CALN1: variants seen among roughly 807,000 people sequenced by gnomAD.
CALN1 encodes calcium-binding protein 8.
Under a neutral mutation model 30.6 loss-of-function variants are expected in CALN1, and 17 were observed. That is an observed-to-expected ratio of 0.56 (90% confidence interval 0.38 to 0.83). CALN1 has a LOEUF of 0.83. CALN1 is among the 40% of genes least tolerant of loss of function. The probability of loss-of-function intolerance (pLI) is 0.00; values close to 1 mark genes in which losing one functional copy is unlikely to be tolerated. For synonymous variants in CALN1, 156 were observed against 131.4 expected (o/e 1.19, Z -1.28); for missense variants, 291 against 354.9 (o/e 0.82, Z 1.45).
chr7:71,787,946 G>A, intron 6 of CALN1, 44 bp from the exon 7 acceptor site: 1 of 1,612,792 alleles, frequency 6.2e-7, no homozygotes, highest in Non-Finnish European at 8.5e-7. Flanking sequence ...AAGAGGGGTT[G>A]GGAGAAGAGA....
intron 3 of CALN1, among the ~76,000 whole-genome samples, chr7:72,114,267 GGGAAGGGAAGGGAAGGGAAGGGAAGGGA>G (rs1807795504): frequency 1.3e-5 from 1 of 74,346 alleles, no homozygotes. Context: ...GGGAAGGGAA[GGGAAGGGAAGGGAAGGGAAGGGAAGGGA>G]AGGGAAGGGA....
intron 2 of CALN1, among the ~76,000 whole-genome samples, chr7:72,302,178 A>G (rs1799314922): frequency 6.6e-6 from 1 of 152,226 alleles, no homozygotes. Flanking sequence ...CGGAGAGGAA[A>G]TAATACAAGA....
At chr7:72,296,782 A>C (rs1170134279) in intron 2 of CALN1, among the ~76,000 whole-genome samples, 1 of 149,830 alleles carries the variant, frequency 6.7e-6, no homozygotes, top group Non-Finnish European at 1.5e-5. Flanking sequence ...GCGGTCTATC[A>C]ATTTTGTTGA....
chr7:72,366,555 G>T (rs1332952821), intron 2 of CALN1, among the ~76,000 whole-genome samples: 3 of 151,796 alleles, frequency 2.0e-5, no homozygotes, highest in African/African-American at 7.3e-5. Flanking sequence ...TTTTAGTGCT[G>T]AATTCTGAGA....
chr7:72,018,899 C>T (rs925794760), intron 5 of CALN1, among the ~76,000 whole-genome samples: 21 of 152,054 alleles, frequency 1.4e-4, no homozygotes, highest in African/African-American at 1.9e-4. Context: ...TGCAGTGGCT[C>T]GATCTCAGCT....
chr7:72,101,965 G>A (rs1166017814), intron 4 of CALN1, among the ~76,000 whole-genome samples: 2 of 152,138 alleles, frequency 1.3e-5, no homozygotes, highest in African/African-American at 2.4e-5. Context: ...GCTGGTTTGG[G>A]ATAAAACCTA....
At chr7:72,428,236 C>G (rs1807858839) in intron 1 of CALN1, among the ~76,000 whole-genome samples, 1 of 152,252 alleles carries the variant, frequency 6.6e-6, no homozygotes, top group South Asian at 2.1e-4. Context: ...TTGACCAGCT[C>G]TCCTACAAAT....
intron 3 of CALN1, among the ~76,000 whole-genome samples, chr7:72,179,672 G>A (rs902809601): frequency 4.0e-5 from 6 of 151,814 alleles, no homozygotes; most frequent in Admixed American, 2.6e-4. Context: ...TAAATGAATC[G>A]CCATATAACC....
chr7:72,351,600 A>T (rs1802925527), intron 2 of CALN1, among the ~76,000 whole-genome samples: 1 of 152,196 alleles, frequency 6.6e-6, no homozygotes, highest in South Asian at 2.1e-4. Context: ...AAAGATAGTC[A>T]ATTTATCCAT....
At chr7:72,174,008 C>T (rs560204645) in intron 3 of CALN1, among the ~76,000 whole-genome samples, 2 of 150,848 alleles carry the variant, frequency 1.3e-5, no homozygotes, top group Non-Finnish European at 3.0e-5. Context: ...AAACCACAGA[C>T]TGGGAGAATA....
At chr7:71,903,037 TA>T (rs1296384444) in intron 5 of CALN1, among the ~76,000 whole-genome samples, 8 of 151,612 alleles carry the variant, frequency 5.3e-5, no homozygotes, top group South Asian at 4.2e-4. Flanking sequence ...AGTAAAAATT[TA>T]AAAAAAATTT....
At chr7:72,156,775 G>C (rs1787711731) in intron 3 of CALN1, among the ~76,000 whole-genome samples, 1 of 152,170 alleles carries the variant, frequency 6.6e-6, no homozygotes, top group Admixed American at 6.5e-5. Context: ...GTGCTCTGGG[G>C]GACAGAGACA....
chr7:72,264,029 C>T (rs1036588725), intron 3 of CALN1, among the ~76,000 whole-genome samples: 5 of 152,108 alleles, frequency 3.3e-5, no homozygotes, highest in Admixed American at 6.6e-5. Context: ...CTCCTGCACG[C>T]GGCCCAATAA....
At chr7:72,127,049 G>A (rs1352809492) in intron 3 of CALN1, among the ~76,000 whole-genome samples, 1 of 151,900 alleles carries the variant, frequency 6.6e-6, no homozygotes, top group Admixed American at 6.5e-5. Context: ...AAACCCAAAG[G>A]AGAGGAAGTA....
At chr7:72,398,904 G>C (rs1341440213) in intron 2 of CALN1, among the ~76,000 whole-genome samples, 4 of 152,182 alleles carry the variant, frequency 2.6e-5, no homozygotes, top group African/African-American at 4.8e-5. Flanking sequence ...ATGAGCTCAA[G>C]ACCACACAGT....
intron 3 of CALN1, among the ~76,000 whole-genome samples, chr7:72,141,136 TA>T (rs1809903703): frequency 6.6e-6 from 1 of 151,936 alleles, no homozygotes; most frequent in South Asian, 2.1e-4. Flanking sequence ...AATTATCCAA[TA>T]GAAAAATTAA....
chr7:72,004,446 T>C (rs576323400), intron 5 of CALN1, among the ~76,000 whole-genome samples: 2 of 152,098 alleles, frequency 1.3e-5, no homozygotes, highest in East Asian at 1.9e-4. Context: ...AAGAAAAAAA[T>C]AGGAGAAAAT....
rs534211524 is a variant in CALN1 at position 71,982,282 on chromosome 7, A to G, written c.501+41375T>C. The stretch of plus-strand genomic sequence containing the variant: ...ATAATTAATTTTGAACTTCATTAAA[A>G]CATTTTAAAAGATATTAAAATGCAA... On this transcript the variant is annotated intron_variant, in intron 5 of 6. Coordinates refer to ENST00000395275, the MANE Select transcript of CALN1 (RefSeq NM_031468.4). Among the ~76,000 whole-genome samples, 8 of 152,334 alleles carry G rather than the reference A, an allele frequency of 5.3e-5. No individual in the cohort carries two copies. In the East Asian group the frequency reaches 1.5e-3, roughly 29 times the overall value.
chr7:72,036,174 G>T (rs1801785814), intron 4 of CALN1, among the ~76,000 whole-genome samples: 1 of 152,114 alleles, frequency 6.6e-6, no homozygotes, highest in Non-Finnish European at 1.5e-5. Flanking sequence ...TCAGCCCACT[G>T]CCTTCTGGCA....
Sources: gnomAD v4.1 joint callset for allele counts (sites outside exome capture counted in the v4.1 genomes callset) on GRCh38, gnomAD v4.1.1 for gene constraint, MANE v1.5 for transcripts, NCBI Gene and HGNC (gene_info 2026-07-23, HGNC 2026-07-21) for gene names.